CENPI: variants seen among roughly 807,000 people sequenced by gnomAD.
The protein encoded by CENPI is FSH primary response 1.
In CENPI, 4 loss-of-function variants were observed where a neutral mutation model predicts 60.4. The ratio of observed to expected loss-of-function variants is 0.07; its 90% CI spans 0.03 to 0.15. The LOEUF (loss-of-function observed/expected upper bound fraction) is 0.15. Ranked by LOEUF, CENPI falls within the 10% of genes least tolerant of loss-of-function variation. The pLI is 1.00. For missense variants in CENPI, 444 were observed against 534.5 expected, an observed-to-expected ratio of 0.83 and a Z score of 1.67; for synonymous variants, 157 against 189.4, an observed-to-expected ratio of 0.83 and a Z score of 1.40.
intron 2 of CENPI, among the ~76,000 whole-genome samples, chrX:101,099,085 T>C (rs375383279): frequency 4.5e-5 from 5 of 111,412 alleles, no homozygotes; most frequent in South Asian, 7.5e-4. Flanking sequence ...TCTCTCTCTC[T>C]CTCCCTCCCT....
chrX:101,140,077 C>A (rs2089900258), intron 15 of CENPI, among the ~76,000 whole-genome samples: 1 of 111,729 alleles, frequency 9.0e-6, no homozygotes, highest in South Asian at 3.7e-4. Context: ...ACCTTCTGAT[C>A]CGCCCGCCTC....
intron 15 of CENPI, among the ~76,000 whole-genome samples, chrX:101,139,633 C>T (rs906552226): frequency 6.3e-5 from 7 of 111,081 alleles, no homozygotes; most frequent in African/African-American, 2.3e-4. Flanking sequence ...TTGAACTTTT[C>T]TCTGAAGTAG....
At chrX:101,114,775 G>A (rs2089599305) in intron 6 of CENPI, among the ~76,000 whole-genome samples, 1 of 109,794 alleles carries the variant, frequency 9.1e-6, no homozygotes, top group African/African-American at 3.3e-5. Flanking sequence ...GAGTAGCTGG[G>A]ATTACAGTCA....
chrX:101,155,489 C>T (rs1285905610), intron 20 of CENPI, among the ~76,000 whole-genome samples: 8 of 111,591 alleles, frequency 7.2e-5, no homozygotes, highest in Admixed American at 9.6e-5. Flanking sequence ...CACACCTGGC[C>T]GAATGTTTTC....
chrX:101,105,771 G>C (rs989592285), intron 4 of CENPI, among the ~76,000 whole-genome samples: 3 of 111,160 alleles, frequency 2.7e-5, no homozygotes, highest in Non-Finnish European at 5.7e-5. Flanking sequence ...TAATGATTAG[G>C]TTATCTTGAT....
intron 6 of CENPI, among the ~76,000 whole-genome samples, chrX:101,115,174 G>A (rs762035883): frequency 9.1e-6 from 1 of 110,486 alleles, no homozygotes; most frequent in East Asian, 2.8e-4. Flanking sequence ...ATGTTGGCCA[G>A]GCTGGTCTCA....
At chrX:101,141,150 T>C (rs1193624523) in intron 16 of CENPI, 1 of 115,524 alleles carries the variant, frequency 8.7e-6, no homozygotes, top group Non-Finnish European at 1.8e-5. Flanking sequence ...CGTACAACTT[T>C]GTTTTTATGT....
intron 16 of CENPI, 33 bp from the exon 17 acceptor site, chrX:101,145,031 T>A: frequency 8.8e-7 from 1 of 1,135,089 alleles, no homozygotes; most frequent in Non-Finnish European, 1.2e-6. Flanking sequence ...CTATTGCTAC[T>A]CTATATCTGA....
intron 16 of CENPI, among the ~76,000 whole-genome samples, chrX:101,144,786 C>A (rs2089948914): frequency 9.0e-6 from 1 of 111,157 alleles, no homozygotes; most frequent in South Asian, 3.7e-4. Flanking sequence ...TGAGAATTTT[C>A]ATATCTGCTT....
intron 4 of CENPI, among the ~76,000 whole-genome samples, chrX:101,108,507 AT>A: frequency 9.0e-6 from 1 of 111,081 alleles, no homozygotes; most frequent in East Asian, 2.8e-4. Context: ...CAAATTCAGC[AT>A]TTTTTTAAAG....
chrX:101,171,207 C>T, the CENPI span, among the ~76,000 whole-genome samples: 19 of 111,342 alleles, frequency 1.7e-4, no homozygotes, highest in Non-Finnish European at 3.4e-4. Flanking sequence ...CATTTAGGGC[C>T]AATGTGATTT....
intron 20 of CENPI, among the ~76,000 whole-genome samples, chrX:101,153,178 T>A (rs2090023036): frequency 9.0e-6 from 1 of 111,677 alleles, no homozygotes; most frequent in Admixed American, 9.7e-5. Context: ...ATTTCCATGG[T>A]AGCTATTGAT....
intron 15 of CENPI, 138 bp downstream of exon 15, chrX:101,132,594 T>C: frequency 4.0e-6 from 2 of 494,092 alleles, no homozygotes; most frequent in Non-Finnish European, 6.6e-6. Flanking sequence ...ACTGCATCAC[T>C]CAACTCAAAG....
chrX:101,130,130 A>G (rs1183816175), intron 13 of CENPI, 57 bp downstream of exon 13: 1 of 896,715 alleles, frequency 1.1e-6, no homozygotes, highest in African/African-American at 2.0e-5. Context: ...ATTTATTTAG[A>G]TATCCATTGA....
At chrX:101,156,218 G>T (rs199526688) in intron 20 of CENPI, among the ~76,000 whole-genome samples, 2 of 110,965 alleles carry the variant, frequency 1.8e-5, no homozygotes, top group African/African-American at 6.6e-5. Context: ...CACCATGTTG[G>T]TTAGGCTGGT....
chrX:101,146,783 G>A (rs750440084), intron 18 of CENPI, among the ~76,000 whole-genome samples: 2 of 111,110 alleles, frequency 1.8e-5, no homozygotes, highest in Non-Finnish European at 3.8e-5. Context: ...TTATCACCCT[G>A]GAGTGCAGTG....
Position 101,098,536 on chromosome X carries a change from TTGAG to T in CENPI, c.-15_-14+2del, listed in dbSNP as rs937910767. The T allele has an allele frequency of 2.7e-5, 3 of 111,644 alleles. No homozygotes were observed. The highest frequency in any genetic ancestry group is 9.8e-5 in the African/African-American group (3 of 30,716). The allele number at this position is 111,644 out of a possible 1,213,427, so 9.2% of individuals were successfully genotyped here. On this transcript the variant is annotated splice_donor_variant and 5_prime_UTR_variant, in exon 2 of 22. Coordinates refer to ENST00000682095, the MANE Select transcript of CENPI (RefSeq NM_001386188.2). LOFTEE classifies it low-confidence loss of function (5UTR_SPLICE). ...CCTCATCTGTTCCAGGGAGGTGGGA[TTGAG>T]TAAGTGTCATTCCGACTATTCCTTT...
intron 6 of CENPI, among the ~76,000 whole-genome samples, chrX:101,113,670 T>C (rs2089584199): frequency 8.9e-6 from 1 of 112,181 alleles, no homozygotes; most frequent in Non-Finnish European, 1.9e-5. Flanking sequence ...GTATCTTTGC[T>C]CATCATTTGT....
chrX:101,146,652 T>C (rs1380207278), intron 18 of CENPI, among the ~76,000 whole-genome samples: 1 of 112,020 alleles, frequency 8.9e-6, no homozygotes, highest in Non-Finnish European at 1.9e-5. Context: ...GGGGAGCTAT[T>C]GCCAATTATA....
Sources: allele counts gnomAD v4.1 joint callset (sites outside exome capture counted in the v4.1 genomes callset), GRCh38; gene constraint gnomAD v4.1.1; transcripts MANE v1.5; gene names NCBI Gene and HGNC (gene_info 2026-07-23, HGNC 2026-07-21).